Variants in CSMD1 observed in about 807,000 individuals in gnomAD.
CSMD1 encodes CUB and sushi domain-containing protein 1.
CSMD1 carries 213 observed loss-of-function variants against 417.5 expected under a neutral mutation model. That is an observed-to-expected ratio of 0.51 (90% confidence interval 0.46 to 0.57). The LOEUF is 0.57. Ranked by LOEUF, CSMD1 falls within the 20% of genes least tolerant of loss-of-function variation. CSMD1 has a pLI of 0.00. For missense variants in CSMD1, 6,923 were observed against 4,529.7 expected, an observed-to-expected ratio of 1.53 and a Z score of -15.17; for synonymous variants, 2,862 against 1,736.8, an observed-to-expected ratio of 1.65 and a Z score of -16.11.
chr8:4,152,913 T>C (rs1563193735), intron 3 of CSMD1, among the ~76,000 whole-genome samples: 1 of 152,324 alleles, frequency 6.6e-6, no homozygotes, highest in East Asian at 1.9e-4. Context: ...AAAAACTTTA[T>C]GAAAGGTGTA....
intron 3 of CSMD1, among the ~76,000 whole-genome samples, chr8:4,155,113 C>T (rs749297281): frequency 6.6e-6 from 1 of 152,122 alleles, no homozygotes; most frequent in Non-Finnish European, 1.5e-5. Flanking sequence ...GGCCACATGA[C>T]GCGCATGCAC....
intron 3 of CSMD1, among the ~76,000 whole-genome samples, chr8:4,056,805 G>A (rs1006877871): frequency 3.3e-5 from 5 of 151,922 alleles, no homozygotes; most frequent in African/African-American, 4.8e-5. Flanking sequence ...TTGTCCTTGT[G>A]ATAGTTTACT....
intron 1 of CSMD1, among the ~76,000 whole-genome samples, chr8:4,705,944 T>A (rs901265801): frequency 2.0e-5 from 3 of 151,988 alleles, no homozygotes; most frequent in African/African-American, 4.8e-5. Flanking sequence ...GATAAAGAAA[T>A]CTCTTCAACA....
chr8:3,206,034 G>A (rs578152140), intron 30 of CSMD1, among the ~76,000 whole-genome samples: 9 of 152,176 alleles, frequency 5.9e-5, no homozygotes, highest in Middle Eastern at 3.4e-3. Context: ...ATTAATATGG[G>A]AATCAAAGGA....
chr8:4,902,292 C>T (rs1441780794), intron 1 of CSMD1, among the ~76,000 whole-genome samples: 2 of 144,662 alleles, frequency 1.4e-5, no homozygotes, highest in African/African-American at 5.0e-5. Context: ...AAAAAAAAAT[C>T]CTGGCATGAT....
chr8:4,845,169 G>A (rs1388643500), intron 1 of CSMD1, among the ~76,000 whole-genome samples: 2 of 152,102 alleles, frequency 1.3e-5, no homozygotes, highest in South Asian at 4.1e-4. Context: ...CCTCTTATGA[G>A]AAGTAGAGTA....
intron 7 of CSMD1, among the ~76,000 whole-genome samples, chr8:3,636,157 A>T (rs1319463380): frequency 6.6e-6 from 1 of 152,226 alleles, no homozygotes; most frequent in Admixed American, 6.5e-5. Context: ...ACACAGGGTC[A>T]GAATAATCAA....
chr8:4,607,778 A>C (rs1382250), intron 2 of CSMD1, among the ~76,000 whole-genome samples: 3 of 151,938 alleles, frequency 2.0e-5, no homozygotes, highest in African/African-American at 7.3e-5. Flanking sequence ...CTCTTGAGTA[A>C]ATCCTCACTC....
At chr8:3,655,415 T>C (rs75073855) in intron 7 of CSMD1, among the ~76,000 whole-genome samples, 1,661 of 152,338 alleles carry the variant, frequency 0.011, 54 homozygotes, top group East Asian at 0.075. Context: ...TCTTTTAAGA[T>C]AACATTTAAT....
chr8:3,950,547 C>G (rs551431327), intron 5 of CSMD1, among the ~76,000 whole-genome samples: 2 of 152,332 alleles, frequency 1.3e-5, no homozygotes, highest in East Asian at 3.9e-4. Flanking sequence ...GACAGAGCCT[C>G]AATACAAGCG....
At chr8:3,901,825 T>G (rs759748328) in intron 5 of CSMD1, among the ~76,000 whole-genome samples, 1 of 152,226 alleles carries the variant, frequency 6.6e-6, no homozygotes, top group Non-Finnish European at 1.5e-5. Context: ...AAGTATTCTT[T>G]GTTTGCATCC....
chr8:3,179,238 C>T (rs186364788), intron 37 of CSMD1, among the ~76,000 whole-genome samples: 43 of 152,096 alleles, frequency 2.8e-4, no homozygotes, highest in Non-Finnish European at 5.9e-4. Flanking sequence ...AGCCACCGCG[C>T]CCAGCCTATA....
chr8:4,394,369 A>G (rs778812961), intron 3 of CSMD1, among the ~76,000 whole-genome samples: 3 of 152,230 alleles, frequency 2.0e-5, no homozygotes, highest in Non-Finnish European at 2.9e-5. Context: ...TCCTGTTTCC[A>G]TCATGAGCTC....
intron 49 of CSMD1, among the ~76,000 whole-genome samples, chr8:3,053,792 A>G (rs10081466): frequency 0.23 from 35,125 of 152,056 alleles, 4,328 homozygotes; most frequent in East Asian, 0.44. Flanking sequence ...TGACATTTCA[A>G]TAATCACGTA....
intron 28 of CSMD1, among the ~76,000 whole-genome samples, chr8:3,221,506 C>G (rs956044296): frequency 6.7e-6 from 1 of 149,912 alleles, no homozygotes; most frequent in Non-Finnish European, 1.5e-5. Flanking sequence ...TTATGCAATA[C>G]TGCAAATACT....
chr8:4,584,980 G>A (rs1799626637), intron 2 of CSMD1, among the ~76,000 whole-genome samples: 2 of 151,768 alleles, frequency 1.3e-5, no homozygotes, highest in Non-Finnish European at 2.9e-5. Flanking sequence ...GGTCTCTGGG[G>A]AAATCAAACC....
At chr8:3,967,665 T>C (rs1054208843) in intron 5 of CSMD1, among the ~76,000 whole-genome samples, 3 of 152,040 alleles carry the variant, frequency 2.0e-5, no homozygotes. Flanking sequence ...ACAATTGTCC[T>C]TGTCAATACG....
At chr8:3,621,717 C>T (rs368307012) in intron 7 of CSMD1, among the ~76,000 whole-genome samples, 1 of 151,866 alleles carries the variant, frequency 6.6e-6, no homozygotes, top group Non-Finnish European at 1.5e-5. Context: ...ATAGCTGCAA[C>T]TACAGGTGCA....
chr8:4,740,542 T>C (rs955728707), intron 1 of CSMD1, among the ~76,000 whole-genome samples: 1 of 152,184 alleles, frequency 6.6e-6, no homozygotes, highest in Non-Finnish European at 1.5e-5. Context: ...ATAAGACTCA[T>C]GTGAAAAAGG....
Sources: allele counts gnomAD v4.1 joint callset (sites outside exome capture counted in the v4.1 genomes callset), GRCh38; gene constraint gnomAD v4.1.1; transcripts MANE v1.5; gene names NCBI Gene and HGNC (gene_info 2026-07-23, HGNC 2026-07-21).